The following RETREG3 variants were observed in gnomAD, a reference collection of about 807,000 sequenced individuals.
RETREG3 encodes reticulophagy regulator 3.
Under a neutral mutation model 50.2 loss-of-function variants are expected in RETREG3, and 23 were observed. That is an observed-to-expected ratio of 0.46 (90% CI 0.33 to 0.65). RETREG3 has a LOEUF of 0.65. RETREG3 is among the 30% of genes least tolerant of loss of function. RETREG3 has a pLI of 0.02. For synonymous variants in RETREG3, 240 were observed against 234.4 expected (o/e 1.02, Z -0.22); for missense variants, 546 against 598.0 (o/e 0.91, Z 0.91).
At chr17:42,586,995 G>GTGAC in intron 3 of RETREG3, 104 bp from the exon 4 acceptor site, 1 of 1,481,590 alleles carries the variant, frequency 6.7e-7, no homozygotes, top group Admixed American at 2.0e-5. Context: ...GGTTTGGGGA[G>GTGAC]TGACTAGGCC....
intron 1 of RETREG3, among the ~76,000 whole-genome samples, chr17:42,597,956 A>G (rs2093151090): frequency 1.3e-5 from 2 of 148,810 alleles, no homozygotes. Context: ...TACCACAAAG[A>G]AAACTCTTCT....
At chr17:42,589,106 C>CAAA (rs58887647) in intron 2 of RETREG3, among the ~76,000 whole-genome samples, 243 of 132,864 alleles carry the variant, frequency 1.8e-3, no homozygotes, top group African/African-American at 6.7e-3. Context: ...TGTCTCTAAC[C>CAAA]AAAAAAAAAA....
chr17:42,586,894 A>G lies in RETREG3; in HGVS notation c.378-3T>C, dbSNP rs574406491. On this transcript the variant is annotated splice_polypyrimidine_tract_variant and splice_region_variant and intron_variant, in intron 3 of 8. Transcript: ENST00000309428. ...ACCGAGGGTGCACAAAGCCCCAGCT[A>G]TGGGAGAGAGAAGGGGGAGCTGTGA... 2.7e-5 allele frequency: 44 copies of G among 1,613,430 alleles called. No homozygotes were observed. The East Asian group carries it at 8.9e-4, about 33-fold the overall frequency.
At position 42,609,278 on chromosome 17, in the gene RETREG3, C is replaced by A; in HGVS notation, c.47G>T (p.Gly16Val). Residue 16 changes from glycine (G) to valine (V), a missense_variant, in exon 1 of 9, where the codon GGG becomes GTG. Physicochemically the swap from Gly to Val is moderately radical, Grantham distance 109 (BLOSUM62 -3). Transcript: ENST00000309428. ...ATCTCGGCGGCCCCTGAAAGTCGACCCCGAAGCCGGGCCTGGGGTCGTGGG... is the reference window on the plus strand; with the variant it reads ...ATCTCGGCGGCCCCTGAAAGTCGACACCGAAGCCGGGCCTGGGGTCGTGGG... ...GVPTTPGPAS[G>V]STFRGRRDVS... is the part of the protein sequence containing the mutation. The A allele has an allele frequency of 6.2e-7, 1 of 1,604,506 alleles. No individual in the cohort carries two copies.
At chr17:42,593,437 C>A (rs2093137032) in intron 1 of RETREG3, among the ~76,000 whole-genome samples, 1 of 151,916 alleles carries the variant, frequency 6.6e-6, no homozygotes, top group Non-Finnish European at 1.5e-5. Flanking sequence ...ATCTTGAGGT[C>A]AGGAGATCGA....
At chr17:42,589,663 G>A (rs1275657472) in intron 2 of RETREG3, among the ~76,000 whole-genome samples, 1 of 152,064 alleles carries the variant, frequency 6.6e-6, no homozygotes, top group African/African-American at 2.4e-5. Flanking sequence ...CAAATTCCTT[G>A]GCTCAAGCAA....
At chr17:42,606,783 G>A (rs2093168514) in intron 1 of RETREG3, among the ~76,000 whole-genome samples, 2 of 151,964 alleles carry the variant, frequency 1.3e-5, no homozygotes, top group Non-Finnish European at 2.9e-5. Flanking sequence ...ATTGCTTTGA[G>A]GTCAGGAGTT....
chr17:42,585,023 C>G, intron 6 of RETREG3, 102 bp downstream of exon 6: 3 of 1,453,496 alleles, frequency 2.1e-6, no homozygotes, highest in Non-Finnish European at 2.8e-6. Context: ...CCAACTACCC[C>G]CGACTTCCAC....
intron 6 of RETREG3, among the ~76,000 whole-genome samples, chr17:42,583,983 T>A (rs2093115804): frequency 6.6e-6 from 1 of 152,162 alleles, no homozygotes; most frequent in South Asian, 2.1e-4. Flanking sequence ...AATATTTGTA[T>A]TTTTAGTAGA....
In RETREG3 at chr17:42,582,823, C is replaced by T. The variant is rs773574450; in HGVS notation, c.811-17G>A. ...ATCGTCCAGCTTAGGAAAAGACCAA[C>T]AAATGTGAGATAATGCCATCAGGAA... On this transcript the variant is annotated splice_polypyrimidine_tract_variant and intron_variant, in intron 7 of 8. Transcript: ENST00000309428. 6.2e-7 allele frequency: 1 copy of T among 1,614,048 alleles called. No individual in the cohort carries two copies.
In RETREG3 at chr17:42,609,309, C is replaced by T. The variant is rs1282344971; in HGVS notation, c.16G>A (p.Gly6Arg). Reference protein sequence around the residue: MAEAEGVPTTPGPASG... With the variant: MAEAERVPTTPGPASG... ...GCCGGGCCTGGGGTCGTGGGAACCCCTTCGGCCTCAGCCATCTCCCCGCGG... is the reference window on the plus strand; with the variant it reads ...GCCGGGCCTGGGGTCGTGGGAACCCTTTCGGCCTCAGCCATCTCCCCGCGG... Residue 6 changes from glycine (G) to arginine (R), a missense_variant, in exon 1 of 9, where the codon GGG becomes AGG. Coordinates refer to ENST00000309428, the MANE Select transcript of RETREG3 (RefSeq NM_178126.4). 4 of 1,600,156 alleles carry T rather than the reference C, an allele frequency of 2.5e-6. No individual in the cohort carries two copies. The highest frequency in any genetic ancestry group is 2.7e-5 in the African/African-American group (2 of 74,902).
chr17:42,587,561 G>A (rs748955573), intron 3 of RETREG3: 40 of 393,980 alleles, frequency 1.0e-4, no homozygotes, highest in Non-Finnish European at 1.8e-4. Context: ...TTTCTCACTG[G>A]GACTGAATAA....
In RETREG3 at chr17:42,581,779, T is replaced by C. The variant is rs1323664131; in HGVS notation, c.*34A>G. The stretch of plus-strand genomic sequence containing the variant: ...TAAGTGGGATGGGGAGAAAAAAACC[T>C]AAACCACAGTGACTCCCAAAAGGAG... On this transcript the variant is annotated 3_prime_UTR_variant, in exon 9 of 9. Transcript: ENST00000309428. The C allele has an allele frequency of 6.6e-7, 1 of 1,522,202 alleles. No homozygotes were observed. Among genetic ancestry groups the C allele is most frequent in the Non-Finnish European group, 8.8e-7 (1 of 1,135,312 alleles). The allele number at this position is 1,522,202 out of a possible 1,614,324, so 94.3% of individuals were successfully genotyped here.
At chr17:42,608,023 C>T (rs906371342) in intron 1 of RETREG3, among the ~76,000 whole-genome samples, 1 of 152,154 alleles carries the variant, frequency 6.6e-6, no homozygotes, top group Non-Finnish European at 1.5e-5. Context: ...TCTGCTTCAG[C>T]TCACTGAAAA....
intron 1 of RETREG3, among the ~76,000 whole-genome samples, chr17:42,594,571 C>T (rs1259715951): frequency 2.7e-5 from 4 of 150,242 alleles, no homozygotes; most frequent in African/African-American, 7.4e-5. Flanking sequence ...AGGCTGGGCG[C>T]GGTGGCTCAC....
rs1337942465 is a variant in RETREG3, at chr17:42,579,645, C to CG, written c.*2167_*2168insC. The CG allele has an allele frequency of 6.5e-6, 1 of 152,760 alleles. No individual in the cohort carries two copies. Among genetic ancestry groups the CG allele is most frequent in the Admixed American group, 6.6e-5 (1 of 15,262 alleles). 9.5% of individuals were successfully genotyped at this position (152,760 alleles called of 1,614,324 possible). ...TCCGAAGATTTTGCTCTCCTTCCTTCCCTCCCTCTTGCCAACTCCCAAGGC... is the reference window on the plus strand; with the variant it reads ...TCCGAAGATTTTGCTCTCCTTCCTTCGCCTCCCTCTTGCCAACTCCCAAGGC... On this transcript the variant is annotated 3_prime_UTR_variant, in exon 9 of 9. Transcript: ENST00000309428.
Position 42,601,795 on chromosome 17 carries a change from G to A in RETREG3, c.239+7291C>T, listed in dbSNP as rs368506046. Reference sequence around the variant, plus strand: ...ATTACAGGCATGCGCCACCATGCCCGGCTGATTTGGCATTTTTAGTAGAGA... The same window carrying A: ...ATTACAGGCATGCGCCACCATGCCCAGCTGATTTGGCATTTTTAGTAGAGA... On this transcript the variant is annotated intron_variant, in intron 1 of 8. Coordinates refer to ENST00000309428, the MANE Select transcript of RETREG3 (RefSeq NM_178126.4). Among the ~76,000 whole-genome samples, 20 of 151,020 alleles carry A rather than the reference G, an allele frequency of 1.3e-4. No individual in the cohort carries two copies. The South Asian group carries it at 3.8e-3, about 28-fold the overall frequency.
At position 42,581,068 on chromosome 17, in the gene RETREG3, G is replaced by GAAAAGAA. The variant is rs1567919412; in HGVS notation, c.*744_*745insTTCTTTT. ...AAAAAAAAAAGAAAAGAAAAGAAAA[G>GAAAAGAA]AAAAAAATCAAATCCTGGTTTAACA... On this transcript the variant is annotated 3_prime_UTR_variant, in exon 9 of 9. Coordinates refer to ENST00000309428, the MANE Select transcript of RETREG3 (RefSeq NM_178126.4). The GAAAAGAA allele has an allele frequency of 6.8e-6, 1 of 146,478 alleles. No homozygotes were observed. The highest frequency in any genetic ancestry group is 1.5e-5 in the Non-Finnish European group (1 of 67,050). 9.1% of individuals were successfully genotyped at this position (146,478 alleles called of 1,614,324 possible). A position where few individuals can be genotyped will look rare whatever the true frequency, so the allele number is the denominator to read the frequency against.
Position 42,586,118 on chromosome 17 carries a change from C to T in RETREG3, c.524G>A (p.Gly175Glu). The change falls in exon 5 of 9, where the codon GGG becomes GAG. Residue 175 changes from glycine to glutamate, a missense_variant. Gly to Glu is a moderately conservative substitution (Grantham distance 98). Transcript: ENST00000309428. Reference sequence around the variant, plus strand: ...CAAGACAGCCAAAAAGGTCAGTATCCCACAGCTCAGCAAGCAGAACTGGGG... The same window carrying T: ...CAAGACAGCCAAAAAGGTCAGTATCTCACAGCTCAGCAAGCAGAACTGGGG... ...NPGKFCLLSC[G>E]ILTFLAVLGR... is the part of the protein sequence containing the mutation. The T allele has an allele frequency of 6.2e-7, 1 of 1,613,950 alleles. No homozygotes were observed.
Sources: allele counts gnomAD v4.1 joint callset (sites outside exome capture counted in the v4.1 genomes callset), GRCh38; gene constraint gnomAD v4.1.1; transcripts MANE v1.5; gene names NCBI Gene and HGNC (gene_info 2026-07-23, HGNC 2026-07-21).